The following B3GALT1 variants were observed in gnomAD, a reference collection of about 807,000 sequenced individuals.
B3GALT1 encodes beta-1,3-galactosyltransferase 1, also known as UDP-Gal:betaGlcNAc beta 1,3-galactosyltransferase, polypeptide 1.
In B3GALT1, 10 loss-of-function variants were observed where a neutral mutation model predicts 23.2. The ratio of observed to expected loss-of-function variants is 0.43; its 90% confidence interval spans 0.27 to 0.73. The LOEUF is 0.73. Ranked by LOEUF, B3GALT1 falls within the 30% of genes least tolerant of loss-of-function variation. The pLI is 0.21. For synonymous variants in B3GALT1, 156 were observed against 141.5 expected (o/e 1.10, Z -0.73); for missense variants, 299 against 405.4 (o/e 0.74, Z 2.25).
intron 1 of B3GALT1, among the ~76,000 whole-genome samples, chr2:167,463,358 G>T (rs114451867): frequency 0.02 from 3,008 of 151,818 alleles, 93 homozygotes; most frequent in African/African-American, 0.069. Context: ...GAGTCTATAC[G>T]GTCATCTCCT....
At chr2:167,626,654 T>C (rs983856310) in intron 2 of B3GALT1, among the ~76,000 whole-genome samples, 8 of 151,816 alleles carry the variant, frequency 5.3e-5, no homozygotes, top group Non-Finnish European at 1.2e-4. Flanking sequence ...CTGTTTGCTA[T>C]CTTTCTGTTA....
chr2:167,522,800 A>G (rs1308833208), intron 2 of B3GALT1, among the ~76,000 whole-genome samples: 1 of 152,214 alleles, frequency 6.6e-6, no homozygotes, highest in Non-Finnish European at 1.5e-5. Flanking sequence ...ATGAGATTTA[A>G]TGTTTTTCAA....
At chr2:167,494,147 A>C (rs939142679) in intron 2 of B3GALT1, among the ~76,000 whole-genome samples, 1 of 152,284 alleles carries the variant, frequency 6.6e-6, no homozygotes, top group Admixed American at 6.5e-5. Flanking sequence ...ATTAGAAAAC[A>C]AACTCATTGG....
chr2:167,742,197 C>T (rs1687587418), intron 3 of B3GALT1, among the ~76,000 whole-genome samples: 1 of 152,138 alleles, frequency 6.6e-6, no homozygotes, highest in African/African-American at 2.4e-5. Context: ...GAAATACTTG[C>T]TTTAAGATTG....
chr2:167,320,129 T>C (rs1294538006), intron 1 of B3GALT1, among the ~76,000 whole-genome samples: 1 of 151,956 alleles, frequency 6.6e-6, no homozygotes, highest in African/African-American at 2.4e-5. Flanking sequence ...ACTGATATTA[T>C]GAATTTATTA....
chr2:167,847,473 T>C (rs1689786278), intron 4 of B3GALT1, among the ~76,000 whole-genome samples: 1 of 152,214 alleles, frequency 6.6e-6, no homozygotes, highest in African/African-American at 2.4e-5. Context: ...TTAAATAACC[T>C]GCTCCTGAAT....
chr2:167,810,390 G>C (rs836712), intron 3 of B3GALT1, among the ~76,000 whole-genome samples: 150,730 of 150,756 alleles, frequency 1, 75,352 homozygotes, highest in Non-Finnish European at 1. Flanking sequence ...AAGCTGTAGA[G>C]TGGAGCTGTT....
rs1684040398 is a variant in B3GALT1 at position 167,562,941 on chromosome 2, TG to T, written c.-410+72665del. On this transcript the variant is annotated intron_variant, in intron 2 of 4. Coordinates refer to ENST00000392690, the MANE Select transcript of B3GALT1 (RefSeq NM_020981.4). The stretch of plus-strand genomic sequence containing the variant: ...TTCAACCCTGAGTGGACACAGCACA[TG>T]TTTCAGAGAGCACAGGGTTGGGGGC... Among the ~76,000 whole-genome samples the T allele has an allele frequency of 2.6e-5, 4 of 152,210 alleles. No homozygotes were observed. In the South Asian group the frequency reaches 8.3e-4, roughly 32 times the overall value.
At chr2:167,425,577 C>T (rs1037579214) in intron 1 of B3GALT1, among the ~76,000 whole-genome samples, 2 of 152,234 alleles carry the variant, frequency 1.3e-5, no homozygotes, top group African/African-American at 2.4e-5. Context: ...GTGCAGACCA[C>T]TGCCAGATTT....
At chr2:167,780,897 A>G (rs904761838) in intron 3 of B3GALT1, among the ~76,000 whole-genome samples, 3 of 152,242 alleles carry the variant, frequency 2.0e-5, no homozygotes, top group African/African-American at 7.2e-5. Context: ...TTGTAAGTCA[A>G]TAGAGGTGGT....
At chr2:167,513,841 C>G (rs545425704) in intron 2 of B3GALT1, among the ~76,000 whole-genome samples, 2 of 152,004 alleles carry the variant, frequency 1.3e-5, no homozygotes, top group African/African-American at 4.8e-5. Context: ...ATTTTTACTG[C>G]TGCTATAAAC....
chr2:167,730,838 T>C (rs1687399039), intron 3 of B3GALT1, among the ~76,000 whole-genome samples: 2 of 152,200 alleles, frequency 1.3e-5, no homozygotes, highest in Non-Finnish European at 2.9e-5. Context: ...ACAAAATCAG[T>C]GGCAGGTACT....
chr2:167,566,188 C>A (rs978578778), intron 2 of B3GALT1, among the ~76,000 whole-genome samples: 9 of 152,122 alleles, frequency 5.9e-5, no homozygotes, highest in African/African-American at 2.2e-4. Flanking sequence ...ATGATGAGTT[C>A]ATGTCCTTTG....
chr2:167,870,816 G>C lies in B3GALT1; in HGVS notation c.*796G>C, dbSNP rs1690332481. 1 of 166,806 alleles carries C rather than the reference G, an allele frequency of 6.0e-6. No homozygotes were observed. The highest frequency in any genetic ancestry group is 6.5e-5 in the Admixed American group (1 of 15,268). The allele number at this position is 166,806 out of a possible 1,614,324, so 10.3% of individuals were successfully genotyped here. A position where few individuals can be genotyped will look rare whatever the true frequency, so the allele number is the denominator to read the frequency against. Reference sequence around the variant, plus strand: ...AATCTCACCTGCTTCCTTCCAGACAGTGTCGCTAAGTGCATTTCACAGTTT... The same window carrying C: ...AATCTCACCTGCTTCCTTCCAGACACTGTCGCTAAGTGCATTTCACAGTTT... On this transcript the variant is annotated 3_prime_UTR_variant, in exon 5 of 5. Transcript: ENST00000392690.
chr2:167,600,012 T>C (rs1684846987), intron 2 of B3GALT1, among the ~76,000 whole-genome samples: 1 of 152,230 alleles, frequency 6.6e-6, no homozygotes, highest in Non-Finnish European at 1.5e-5. Flanking sequence ...GCTAAATGCC[T>C]TTGCAGACAC....
intron 3 of B3GALT1, among the ~76,000 whole-genome samples, chr2:167,741,691 A>G (rs1289884805): frequency 1.3e-5 from 2 of 152,162 alleles, no homozygotes; most frequent in Non-Finnish European, 2.9e-5. Context: ...TTAAATAACT[A>G]TCTATAAATC....
chr2:167,834,774 A>AGGAGGT (rs1689423944), intron 4 of B3GALT1, among the ~76,000 whole-genome samples: 2 of 152,130 alleles, frequency 1.3e-5, no homozygotes, highest in South Asian at 4.2e-4. Context: ...GCTTGAACCT[A>AGGAGGT]GGAGGTGGAG....
chr2:167,794,434 C>G (rs1202837873), intron 3 of B3GALT1, among the ~76,000 whole-genome samples: 2 of 152,126 alleles, frequency 1.3e-5, no homozygotes, highest in African/African-American at 4.8e-5. Flanking sequence ...AGGAGAAGTG[C>G]CAGCTACTTT....
intron 4 of B3GALT1, among the ~76,000 whole-genome samples, chr2:167,820,747 C>CA (rs1423237970): frequency 6.6e-6 from 1 of 152,160 alleles, no homozygotes; most frequent in Non-Finnish European, 1.5e-5. Flanking sequence ...GGCTTTAAGA[C>CA]AAAAAGCGTT....
Sources: allele counts gnomAD v4.1 joint callset (sites outside exome capture counted in the v4.1 genomes callset), GRCh38; gene constraint gnomAD v4.1.1; transcripts MANE v1.5; gene names NCBI Gene and HGNC (gene_info 2026-07-23, HGNC 2026-07-21).